OR4N2: variants seen among roughly 807,000 people sequenced by gnomAD.
OR4N2 encodes the protein olfactory receptor family 4 subfamily N member 2.
For synonymous variants in OR4N2, 141 were observed against 140.4 expected, an observed-to-expected ratio of 1.00 and a Z score of -0.03; for missense variants, 307 against 377.6, an observed-to-expected ratio of 0.81 and a Z score of 1.55.
chr14:19,815,202 G>A (rs1328792722), intron 1 of OR4N2, among the ~76,000 whole-genome samples: 2 of 152,216 alleles, frequency 1.3e-5, no homozygotes, highest in Non-Finnish European at 2.9e-5. Flanking sequence ...TGGGATTGCT[G>A]GGTCAAATGG....
chr14:19,819,347 C>T (rs1879505647), intron 1 of OR4N2, among the ~76,000 whole-genome samples: 1 of 152,236 alleles, frequency 6.6e-6, no homozygotes, highest in Non-Finnish European at 1.5e-5. Context: ...TTGGTCTTTT[C>T]ACATAGTCCC....
chr14:19,821,047 G>T (rs913740713), intron 1 of OR4N2, among the ~76,000 whole-genome samples: 5 of 152,248 alleles, frequency 3.3e-5, no homozygotes, highest in Admixed American at 1.3e-4. Flanking sequence ...TGAAACCCAA[G>T]GCCCTGGTGG....
At chr14:19,808,214 G>A (rs533562046) in intron 1 of OR4N2, among the ~76,000 whole-genome samples, 1 of 152,238 alleles carries the variant, frequency 6.6e-6, no homozygotes, top group Non-Finnish European at 1.5e-5. Context: ...CTTCAATATA[G>A]GACTTGAAGT....
At chr14:19,822,763 A>G (rs975965430) in intron 1 of OR4N2, among the ~76,000 whole-genome samples, 1 of 152,264 alleles carries the variant, frequency 6.6e-6, no homozygotes, top group Non-Finnish European at 1.5e-5. Flanking sequence ...AATGAATTAC[A>G]TATTAATACC....
intron 1 of OR4N2, among the ~76,000 whole-genome samples, chr14:19,813,767 A>C (rs1437996356): frequency 6.6e-6 from 1 of 152,052 alleles, no homozygotes; most frequent in Non-Finnish European, 1.5e-5. Context: ...TTACTTCTGA[A>C]TTCCTTGGAT....
rs34020966 is a variant in OR4N2, at chr14:19,813,841, CTT to C, written c.-10+10010_-10+10011del. ...GACTAGTATCTCTCTGTTTCTTCAC[CTT>C]TTTTTTTTTTTTAAGTCATACAACT... On this transcript the variant is annotated intron_variant, in intron 1 of 1. Transcript: ENST00000557677. 5.2e-3 allele frequency among the ~76,000 whole-genome samples: 756 copies of C among 146,104 alleles called. 41 individuals are homozygous for C. The highest frequency in any genetic ancestry group is 0.017 in the African/African-American group (666 of 38,202).
At chr14:19,812,896 T>C (rs1051955963) in intron 1 of OR4N2, among the ~76,000 whole-genome samples, 1 of 152,224 alleles carries the variant, frequency 6.6e-6, no homozygotes, top group African/African-American at 2.4e-5. Flanking sequence ...AACAATATTA[T>C]TGAATATATA....
chr14:19,827,032 G>C (rs890731932), intron 1 of OR4N2, among the ~76,000 whole-genome samples: 1 of 152,240 alleles, frequency 6.6e-6, no homozygotes, highest in African/African-American at 2.4e-5. Context: ...GAGAAAAAGG[G>C]TCTAATCCCA....
intron 1 of OR4N2, among the ~76,000 whole-genome samples, chr14:19,811,735 G>C (rs1457584991): frequency 6.6e-6 from 1 of 152,226 alleles, no homozygotes; most frequent in Non-Finnish European, 1.5e-5. Flanking sequence ...AAAATCATTT[G>C]TTTTAACATC....
intron 1 of OR4N2, among the ~76,000 whole-genome samples, chr14:19,812,329 C>CTTTTTTTTT (rs3078143): frequency 1.7e-5 from 2 of 117,434 alleles, no homozygotes; most frequent in African/African-American, 3.3e-5. Context: ...CTTTTCTTTT[C>CTTTTTTTTT]TTTTTTTTTT....
At chr14:19,824,869 A>G (rs1233662266) in intron 1 of OR4N2, among the ~76,000 whole-genome samples, 1 of 152,276 alleles carries the variant, frequency 6.6e-6, no homozygotes, top group Non-Finnish European at 1.5e-5. Flanking sequence ...AAAACTTCAG[A>G]TCAACAATAA....
At position 19,809,122 on chromosome 14, in the gene OR4N2, A is replaced by C. The variant is rs1216656757; in HGVS notation, c.-10+5278A>C. 2.6e-5 allele frequency among the ~76,000 whole-genome samples: 4 copies of C among 152,148 alleles called. No individual in the cohort carries two copies. In the East Asian group the frequency reaches 5.8e-4, roughly 22 times the overall value. ...ACTCTCAGGTCTCTCTATTCAATAA[A>C]TGGTGCTGGGATAACTGGCTAGCCA... On this transcript the variant is annotated intron_variant, in intron 1 of 1. Coordinates refer to ENST00000557677, the MANE Select transcript of OR4N2 (RefSeq NM_001004723.3).
At chr14:19,810,388 T>A (rs1879266946) in intron 1 of OR4N2, among the ~76,000 whole-genome samples, 1 of 152,224 alleles carries the variant, frequency 6.6e-6, no homozygotes. Flanking sequence ...ACACTGCTGG[T>A]GGGAATGTAA....
intron 1 of OR4N2, among the ~76,000 whole-genome samples, chr14:19,819,634 C>A (rs1454685314): frequency 6.6e-6 from 1 of 152,250 alleles, no homozygotes; most frequent in East Asian, 1.9e-4. Context: ...TTAGAACATG[C>A]TCCTTTAGCT....
Position 19,821,852 on chromosome 14 carries a change from T to C in OR4N2, c.-9-5588T>C, listed in dbSNP as rs1264511638. 6 of 152,236 alleles carry C rather than the reference T, an allele frequency of 3.9e-5. No homozygotes were observed. The East Asian group carries it at 1.2e-3, about 29-fold the overall frequency. The allele number at this position is 152,236 out of a possible 1,614,324, so 9.4% of individuals were successfully genotyped here. A position where few individuals can be genotyped will look rare whatever the true frequency, so the allele number is the denominator to read the frequency against. ...CTCAAAAGAACTTTCTCCATTACAA[T>C]AGAGAGATTTTAAAATCTAAGGTTC... On this transcript the variant is annotated intron_variant, in intron 1 of 1. Coordinates refer to ENST00000557677, the MANE Select transcript of OR4N2 (RefSeq NM_001004723.3).
Position 19,827,758 on chromosome 14 carries a change from T to A in OR4N2, c.310T>A (p.Leu104Met), listed in dbSNP as rs748506496. ...YRGCITQLFF[L>M]HFLGGGEGLL... ...AGGCTGCATCACTCAGCTCTTTTTC[T>A]TGCACTTCCTTGGAGGAGGGGAGGG... The change falls in exon 2 of 2, where the codon TTG becomes ATG. Residue 104 changes from leucine to methionine, a missense_variant. Leu to Met is a conservative substitution (Grantham distance 15). Transcript: ENST00000557677. 2 of 1,614,152 alleles carry A rather than the reference T, an allele frequency of 1.2e-6. No individual in the cohort carries two copies. Among genetic ancestry groups the A allele is most frequent in the African/African-American group, 2.7e-5 (2 of 74,960 alleles).
intron 1 of OR4N2, among the ~76,000 whole-genome samples, chr14:19,815,594 T>C (rs570526294): frequency 2.0e-5 from 3 of 152,330 alleles, no homozygotes; most frequent in East Asian, 1.9e-4. Flanking sequence ...GATGGATAGA[T>C]TGCAAAAATT....
intron 1 of OR4N2, among the ~76,000 whole-genome samples, chr14:19,826,466 A>G (rs1879702998): frequency 6.6e-6 from 1 of 152,282 alleles, no homozygotes; most frequent in Non-Finnish European, 1.5e-5. Flanking sequence ...AGCAAAAAAT[A>G]AAACTCACTC....
intron 1 of OR4N2, among the ~76,000 whole-genome samples, chr14:19,817,218 G>A (rs1463728095): frequency 6.6e-6 from 1 of 152,180 alleles, no homozygotes; most frequent in African/African-American, 2.4e-5. Context: ...AATGAGTTAG[G>A]GAGGAGTCCC....
Sources: gnomAD v4.1 joint callset for allele counts (sites outside exome capture counted in the v4.1 genomes callset) on GRCh38, gnomAD v4.1.1 for gene constraint, MANE v1.5 for transcripts, NCBI Gene and HGNC (gene_info 2026-07-23, HGNC 2026-07-21) for gene names.